GRID2: variants seen among roughly 807,000 people sequenced by gnomAD.
GRID2 encodes glutamate receptor ionotropic, delta-2.
Under a neutral mutation model 114.8 loss-of-function variants are expected in GRID2, and 33 were observed. That is an observed-to-expected ratio of 0.29 (90% CI 0.22 to 0.38). The LOEUF is 0.38. Ranked by LOEUF, GRID2 falls within the 10% of genes least tolerant of loss-of-function variation. GRID2 has a pLI of 1.00. For missense variants in GRID2, 1,184 were observed against 1,257.7 expected, an observed-to-expected ratio of 0.94 and a Z score of 0.89; for synonymous variants, 505 against 449.9, an observed-to-expected ratio of 1.12 and a Z score of -1.55.
At chr4:93,459,122 G>A (rs1389860123) in intron 11 of GRID2, among the ~76,000 whole-genome samples, 3 of 132,086 alleles carry the variant, frequency 2.3e-5, no homozygotes, top group East Asian at 5.0e-4. Flanking sequence ...GGAGGTTGCA[G>A]TGAGCCGAGA....
At chr4:92,578,098 CTTCTTCTTCTTCTTCTTTTTCTTATTA>C (rs1727989455) in intron 1 of GRID2, among the ~76,000 whole-genome samples, 1 of 111,532 alleles carries the variant, frequency 9.0e-6, no homozygotes, top group Non-Finnish European at 1.7e-5. Flanking sequence ...TCTTCTTCTT[CTTCTTCTTCTTCTTCTTTTTCTTATTA>C]TTATTATTAC....
At chr4:93,669,276 A>T (rs1724200372) in intron 14 of GRID2, among the ~76,000 whole-genome samples, 1 of 152,098 alleles carries the variant, frequency 6.6e-6, no homozygotes, top group African/African-American at 2.4e-5. Context: ...TCTGTACCTT[A>T]TAATCATGCA....
chr4:93,578,452 T>A (rs993690514), intron 13 of GRID2, among the ~76,000 whole-genome samples: 3 of 152,034 alleles, frequency 2.0e-5, no homozygotes, highest in Non-Finnish European at 2.9e-5. Flanking sequence ...AATACAAATT[T>A]ACAAATTCAA....
intron 1 of GRID2, among the ~76,000 whole-genome samples, chr4:92,344,390 T>C (rs1727661733): frequency 6.6e-6 from 1 of 152,214 alleles, no homozygotes; most frequent in South Asian, 2.1e-4. Flanking sequence ...CTATGAGTTT[T>C]ACATGTATTG....
At chr4:93,187,733 A>G (rs1740570314) in intron 4 of GRID2, among the ~76,000 whole-genome samples, 1 of 152,222 alleles carries the variant, frequency 6.6e-6, no homozygotes, top group African/African-American at 2.4e-5. Flanking sequence ...AAAACAACTT[A>G]TGTGCTTCCA....
chr4:92,950,307 G>A (rs1751934263), intron 2 of GRID2, among the ~76,000 whole-genome samples: 1 of 152,146 alleles, frequency 6.6e-6, no homozygotes, highest in Admixed American at 6.6e-5. Flanking sequence ...CTAACTGACA[G>A]AGCAATGTAA....
At chr4:93,413,471 T>A (rs72668711) in intron 9 of GRID2, among the ~76,000 whole-genome samples, 2,168 of 152,310 alleles carry the variant, frequency 0.014, 17 homozygotes, top group South Asian at 0.055. Context: ...TATTGTGAAT[T>A]TGTTTTCTGG....
chr4:92,478,535 A>G (rs985138261), intron 1 of GRID2, among the ~76,000 whole-genome samples: 11 of 152,102 alleles, frequency 7.2e-5, no homozygotes, highest in African/African-American at 2.4e-4. Context: ...CTGTATGCTC[A>G]TATTTACATC....
At chr4:93,592,627 T>G (rs1005816748) in intron 13 of GRID2, among the ~76,000 whole-genome samples, 4 of 152,230 alleles carry the variant, frequency 2.6e-5, no homozygotes, top group African/African-American at 9.6e-5. Context: ...ACTTTCTGTC[T>G]CGTTGATCTG....
At chr4:92,607,623 C>T (rs1359744057) in intron 2 of GRID2, among the ~76,000 whole-genome samples, 1 of 151,780 alleles carries the variant, frequency 6.6e-6, no homozygotes, top group East Asian at 1.9e-4. Flanking sequence ...TTTTGTTTCC[C>T]AGACTTACTC....
chr4:93,020,751 G>A (rs1433306928), intron 2 of GRID2, among the ~76,000 whole-genome samples: 2 of 151,926 alleles, frequency 1.3e-5, no homozygotes, highest in Non-Finnish European at 2.9e-5. Flanking sequence ...GAAATATATG[G>A]GCTGGGTGCG....
chr4:93,015,732 G>C (rs763356786), intron 2 of GRID2, among the ~76,000 whole-genome samples: 1 of 152,022 alleles, frequency 6.6e-6, no homozygotes, highest in African/African-American at 2.4e-5. Context: ...GCTCCTTTAA[G>C]TACACTACAT....
chr4:93,668,081 A>C (rs1024132106), intron 14 of GRID2, among the ~76,000 whole-genome samples: 4 of 152,022 alleles, frequency 2.6e-5, no homozygotes, highest in African/African-American at 9.7e-5. Flanking sequence ...AGACACAATG[A>C]CTTGTTATGC....
intron 13 of GRID2, among the ~76,000 whole-genome samples, chr4:93,533,281 CCTT>C (rs2149516450): frequency 7.4e-6 from 1 of 135,174 alleles, no homozygotes; most frequent in South Asian, 2.4e-4. Context: ...TTCCTTCCTT[CCTT>C]CCTTCCTTCC....
chr4:93,279,115 C>T lies in GRID2; in HGVS notation c.1245+40625C>T, dbSNP rs1333637739. 5.3e-5 allele frequency among the ~76,000 whole-genome samples: 8 copies of T among 151,862 alleles called. No homozygotes were observed. In the East Asian group the frequency reaches 7.7e-4, roughly 15 times the overall value. On this transcript the variant is annotated intron_variant, in intron 8 of 15. Coordinates refer to ENST00000282020, the MANE Select transcript of GRID2 (RefSeq NM_001510.4). ...TTGATTACCCTTTTAAAGTACTGCA[C>T]TTTAGTTACATAAATAACAAAATGT...
chr4:92,914,105 G>A (rs1748598711), intron 2 of GRID2, among the ~76,000 whole-genome samples: 3 of 151,806 alleles, frequency 2.0e-5, no homozygotes, highest in Non-Finnish European at 4.4e-5. Flanking sequence ...ATCGATCTTT[G>A]GTTTATTTTA....
At chr4:93,739,109 G>A (rs1490576135) in intron 14 of GRID2, among the ~76,000 whole-genome samples, 1 of 152,040 alleles carries the variant, frequency 6.6e-6, no homozygotes, top group Non-Finnish European at 1.5e-5. Context: ...GAAGAGGGAA[G>A]GGGCACAGCT....
At chr4:93,059,291 G>T (rs1221633189) in intron 2 of GRID2, among the ~76,000 whole-genome samples, 2 of 152,134 alleles carry the variant, frequency 1.3e-5, no homozygotes, top group Non-Finnish European at 2.9e-5. Context: ...TCTGAAATGA[G>T]AAATTCAAAT....
chr4:92,729,948 T>A (rs1179412717), intron 2 of GRID2, among the ~76,000 whole-genome samples: 5 of 152,068 alleles, frequency 3.3e-5, no homozygotes, highest in Admixed American at 2.0e-4. Context: ...CCTCTTACTC[T>A]TAAGAGCTTA....
Sources: allele counts gnomAD v4.1 joint callset (sites outside exome capture counted in the v4.1 genomes callset), GRCh38; gene constraint gnomAD v4.1.1; transcripts MANE v1.5; gene names NCBI Gene and HGNC (gene_info 2026-07-23, HGNC 2026-07-21).